DOCK4: variants seen among roughly 807,000 people sequenced by gnomAD.
DOCK4 encodes dedicator of cytokinesis protein 4.
Under a neutral mutation model 268.1 loss-of-function variants are expected in DOCK4, and 97 were observed. That is an observed-to-expected ratio of 0.36 (90% CI 0.31 to 0.43). DOCK4 has a LOEUF of 0.43. Ranked by LOEUF, DOCK4 falls within the 20% of genes least tolerant of loss-of-function variation. The probability of loss-of-function intolerance (pLI) is 1.00; values close to 1 mark genes in which losing one functional copy is unlikely to be tolerated. For synonymous variants in DOCK4, 954 were observed against 887.2 expected (o/e 1.08, Z -1.34); for missense variants, 2,145 against 2,455.7 (o/e 0.87, Z 2.67).
rs537542165 is a variant in DOCK4, at chr7:112,170,105, T to C, written c.37+35997A>G. ...AAGCAGCAAACAAAATTATAAGTGA[T>C]CGTCTTATGACAAAAGAGAAGAGAG... On this transcript the variant is annotated intron_variant, in intron 1 of 52. Coordinates refer to ENST00000428084, the MANE Select transcript of DOCK4 (RefSeq NM_001363540.2). Among the ~76,000 whole-genome samples, 4 of 152,054 alleles carry C rather than the reference T, an allele frequency of 2.6e-5. No homozygotes were observed. In the South Asian group the frequency reaches 8.3e-4, roughly 32 times the overall value.
intron 51 of DOCK4, among the ~76,000 whole-genome samples, chr7:111,733,572 A>G (rs1010897789): frequency 6.6e-6 from 1 of 152,166 alleles, no homozygotes; most frequent in Non-Finnish European, 1.5e-5. Flanking sequence ...GGTGGTAGAA[A>G]GTTGATTGTT....
intron 1 of DOCK4, among the ~76,000 whole-genome samples, chr7:112,200,003 TTAAAA>T (rs1388354793): frequency 7.9e-5 from 12 of 152,234 alleles, no homozygotes; most frequent in African/African-American, 2.9e-4. Flanking sequence ...AAATTCTTTG[TTAAAA>T]TAAACCCACA....
chr7:111,999,553 T>C (rs191405032), intron 3 of DOCK4, among the ~76,000 whole-genome samples: 69 of 152,154 alleles, frequency 4.5e-4, no homozygotes, highest in African/African-American at 1.5e-3. Flanking sequence ...ATGTGCCTCA[T>C]AGATATATAA....
chr7:111,850,336 C>T (rs1307339427), intron 23 of DOCK4, among the ~76,000 whole-genome samples: 1 of 151,976 alleles, frequency 6.6e-6, no homozygotes, highest in Non-Finnish European at 1.5e-5. Context: ...TTGATGTTTC[C>T]TGTCTACCCA....
intron 12 of DOCK4, among the ~76,000 whole-genome samples, chr7:111,923,260 TG>T (rs1793311667): frequency 6.6e-6 from 1 of 152,200 alleles, no homozygotes; most frequent in Admixed American, 6.5e-5. Context: ...CTTCAGCATT[TG>T]CAAATTTTGG....
At chr7:111,758,075 C>G (rs1797154163) in intron 41 of DOCK4, among the ~76,000 whole-genome samples, 1 of 152,064 alleles carries the variant, frequency 6.6e-6, no homozygotes, top group Non-Finnish European at 1.5e-5. Context: ...CCAAAATTTG[C>G]TTTTACTCGG....
chr7:111,987,156 T>C (rs773077471), intron 6 of DOCK4, among the ~76,000 whole-genome samples: 1 of 152,232 alleles, frequency 6.6e-6, no homozygotes, highest in Non-Finnish European at 1.5e-5. Flanking sequence ...TAAATTATAC[T>C]GCTCATTTTC....
rs755452247 is a variant in DOCK4 at position 111,741,130 on chromosome 7, C to A, written c.5004G>T (p.Gly1668=). ...AGACTTCATCAGAGCTTTCTGATTGCCCTGTAATATTGCTTACTTCAGCAG... is the reference window on the plus strand; with the variant it reads ...AGACTTCATCAGAGCTTTCTGATTGACCTGTAATATTGCTTACTTCAGCAG... ...QASAEVSNIT[G]QSESSDEVFN... is the part of the protein sequence containing the mutation. The change falls in exon 47 of 53, where the codon GGG becomes GGT. Residue 1668 remains glycine (G), a synonymous_variant. Coordinates refer to ENST00000428084, the MANE Select transcript of DOCK4 (RefSeq NM_001363540.2). 1 of 1,613,840 alleles carries A rather than the reference C, an allele frequency of 6.2e-7. No individual in the cohort carries two copies. The highest frequency in any genetic ancestry group is 1.1e-5 in the South Asian group (1 of 91,072).
intron 24 of DOCK4, 80 bp downstream of exon 24, chr7:111,846,919 G>A (rs980705844): frequency 3.2e-5 from 47 of 1,454,710 alleles, no homozygotes; most frequent in African/African-American, 8.4e-5. Context: ...TCTTTAGTGC[G>A]GTTTCTTTGT....
intron 16 of DOCK4, among the ~76,000 whole-genome samples, chr7:111,890,496 C>T (rs771133090): frequency 6.6e-6 from 1 of 152,190 alleles, no homozygotes; most frequent in Non-Finnish European, 1.5e-5. Flanking sequence ...AGTTATTTTA[C>T]TTATTCTCCT....
intron 1 of DOCK4, among the ~76,000 whole-genome samples, chr7:112,043,365 G>T (rs902685201): frequency 1.3e-5 from 2 of 152,132 alleles, no homozygotes; most frequent in African/African-American, 4.8e-5. Flanking sequence ...AAAGAATGGG[G>T]TGTTAAAAAC....
chr7:111,832,708 A>G (rs1802934356), intron 26 of DOCK4, among the ~76,000 whole-genome samples: 1 of 152,060 alleles, frequency 6.6e-6, no homozygotes, highest in South Asian at 2.1e-4. Context: ...TTGTATTTTT[A>G]GTAGAGATGG....
chr7:112,037,847 A>T (rs1803958232), intron 1 of DOCK4, among the ~76,000 whole-genome samples: 2 of 152,170 alleles, frequency 1.3e-5, no homozygotes, highest in African/African-American at 2.4e-5. Context: ...ATCATTTTAC[A>T]TTTCCACCAG....
chr7:111,945,342 C>A (rs533442831), intron 9 of DOCK4, among the ~76,000 whole-genome samples: 1 of 152,160 alleles, frequency 6.6e-6, no homozygotes, highest in Non-Finnish European at 1.5e-5. Context: ...CCTGCCACCA[C>A]GCCTGGCTAA....
At chr7:112,095,801 G>C (rs2135784078) in intron 1 of DOCK4, among the ~76,000 whole-genome samples, 1 of 151,864 alleles carries the variant, frequency 6.6e-6, no homozygotes, top group South Asian at 2.1e-4. Flanking sequence ...TGTCTTTTAG[G>C]CCAGGTGTGG....
At position 111,834,639 on chromosome 7, in the gene DOCK4, A is replaced by ATCTG; in HGVS notation, c.2780_2783dup (p.His930Ter). The ATCTG allele has an allele frequency of 6.4e-7, 1 of 1,558,684 alleles. No individual in the cohort carries two copies. The highest frequency in any genetic ancestry group is 8.7e-7 in the Non-Finnish European group (1 of 1,150,616). On this transcript the variant is annotated frameshift_variant, in exon 26 of 53. Transcript: ENST00000428084. LOFTEE classifies it high-confidence loss of function. ...TATCAAGAAGCTGTTGATAATGTCT[A>ATCTG]TCTGTCATTTGTCGTAATAGGGACA... is the stretch of plus-strand genomic sequence containing the variant.
At position 111,868,061 on chromosome 7, in the gene DOCK4, T is replaced by A; in HGVS notation, c.2203A>T (p.Ile735Phe). The A allele has an allele frequency of 6.2e-7, 1 of 1,613,784 alleles. No homozygotes were observed. The highest frequency in any genetic ancestry group is 1.1e-5 in the South Asian group (1 of 91,018). The change falls in exon 22 of 53, where the codon ATT becomes TTT. Residue 735 changes from isoleucine (I) to phenylalanine (F), a missense_variant. Transcript: ENST00000428084. ...CGGACTGACATGAGAAGCTCCTGAATGCAGCAGCGGAACTCCTCTTCGTTT... is the reference window on the plus strand; with the variant it reads ...CGGACTGACATGAGAAGCTCCTGAAAGCAGCAGCGGAACTCCTCTTCGTTT... ...GQNEEEFRCC[I>F]QELLMSVRFF...
At chr7:111,751,295 T>TAAAC (rs1272880103) in intron 42 of DOCK4, among the ~76,000 whole-genome samples, 3 of 152,284 alleles carry the variant, frequency 2.0e-5, no homozygotes, top group East Asian at 3.9e-4. Flanking sequence ...CATTTCAGGA[T>TAAAC]AAACAGTCTT....
At chr7:112,143,218 C>G (rs1404717293) in intron 1 of DOCK4, among the ~76,000 whole-genome samples, 1 of 151,942 alleles carries the variant, frequency 6.6e-6, no homozygotes, top group East Asian at 1.9e-4. Flanking sequence ...GATCACAATG[C>G]CTTGGGCTGA....
Sources: allele counts gnomAD v4.1 joint callset (sites outside exome capture counted in the v4.1 genomes callset), GRCh38; gene constraint gnomAD v4.1.1; transcripts MANE v1.5; gene names NCBI Gene and HGNC (gene_info 2026-07-23, HGNC 2026-07-21).